Variants in IL3RA observed in about 807,000 individuals in gnomAD.
IL3RA encodes interleukin-3 receptor subunit alpha.
IL3RA carries 73 observed loss-of-function variants against 52.3 expected under a neutral mutation model. The ratio of observed to expected loss-of-function variants is 1.40; its 90% CI spans 1.16 to 1.70. IL3RA has a LOEUF of 1.70. Among genes scored for constraint, IL3RA ranks in the 40% most tolerant of loss-of-function variants. IL3RA has a pLI of 0.00. For synonymous variants in IL3RA, 260 were observed against 194.0 expected (o/e 1.34, Z -2.83); for missense variants, 664 against 504.4 (o/e 1.32, Z -3.03).
chrX:1,352,348 A>C lies in IL3RA; in HGVS notation c.458A>C (p.His153Pro). 6.2e-7 allele frequency: 1 copy of C among 1,613,842 alleles called. No individual in the cohort carries two copies. The highest frequency in any genetic ancestry group is 8.5e-7 in the Non-Finnish European group (1 of 1,179,846). The stretch of plus-strand genomic sequence containing the variant: ...AGGCGTCAACAGTACGAGTGTCTTC[A>C]CTACAAAACGGATGCTCAGGGAACA... ...ANRRQQYECL[H>P]YKTDAQGTRI... The change falls in exon 6 of 12, where the codon CAC (histidine) becomes CCC (proline). Residue 153 changes from histidine to proline, a missense_variant. Physicochemically the swap from His to Pro is moderately conservative, Grantham distance 77. Coordinates refer to ENST00000331035, the MANE Select transcript of IL3RA (RefSeq NM_002183.4).
At chrX:1,363,340 A>G (rs28833294) in intron 8 of IL3RA, among the ~76,000 whole-genome samples, 1,413 of 139,290 alleles carry the variant, frequency 0.01, 28 homozygotes, top group African/African-American at 0.035. Flanking sequence ...TCGCTCTGTC[A>G]CCCAGGCTGG....
intron 6 of IL3RA, among the ~76,000 whole-genome samples, chrX:1,353,992 A>G (rs1413971820): frequency 8.8e-6 from 1 of 114,172 alleles, no homozygotes; most frequent in East Asian, 2.5e-4. Context: ...ATCATGGGTC[A>G]TGGGAGCCCC....
At position 1,348,466 on chromosome X, in the gene IL3RA, T is replaced by C. The variant is rs1285870754; in HGVS notation, c.219T>C (p.Ile73=). 1 of 1,613,874 alleles carries C rather than the reference T, an allele frequency of 6.2e-7. No individual in the cohort carries two copies. Among genetic ancestry groups the C allele is most frequent in the Admixed American group, 1.7e-5 (1 of 59,984 alleles). ...ATAGCTATTGCCAGTTTGGAGCAAT[T>C]TCCTTATGTGAAGTGACCAACTACA... ...VNNSYCQFGA[I]SLCEVTNYTV... is the part of the protein sequence containing the mutation. Residue 73 remains isoleucine, a synonymous_variant, in exon 4 of 12, where the codon ATT becomes ATC. Coordinates refer to ENST00000331035, the MANE Select transcript of IL3RA (RefSeq NM_002183.4).
chrX:1,345,272 G>T (rs762454273), intron 2 of IL3RA, 44 bp from the exon 3 acceptor site: 5 of 1,342,444 alleles, frequency 3.7e-6, no homozygotes, highest in Admixed American at 1.9e-5. Flanking sequence ...GCCGTTTTAA[G>T]ATTCTTACGT....
intron 9 of IL3RA, among the ~76,000 whole-genome samples, chrX:1,365,517 CGCGGGGTGA>C (rs1235024049): frequency 4.2e-4 from 7 of 16,700 alleles, no homozygotes; most frequent in South Asian, 3.4e-3. Flanking sequence ...GAGCGGGGTG[CGCGGGGTGA>C]GCGGGGTGAG....
Position 1,352,363 on chromosome X carries a change from C to A in IL3RA, c.473C>A (p.Ala158Asp), listed in dbSNP as rs746731701. The change falls in exon 6 of 12, where the codon GCT becomes GAT. Residue 158 changes from alanine (A) to aspartate (D), a missense_variant. Ala to Asp is a moderately radical substitution (Grantham distance 126). Transcript: ENST00000331035. ...GAGTGTCTTCACTACAAAACGGATG[C>A]TCAGGGAACACGTATCGGGTGTCGT... The part of the protein sequence containing the change: ...QYECLHYKTD[A>D]QGTRIGCRFD... The A allele has an allele frequency of 3.1e-6, 5 of 1,613,750 alleles. No individual in the cohort carries two copies. The African/African-American group carries it at 5.3e-5, about 17-fold the overall frequency.
At chrX:1,361,642 A>T (rs1434458429) in intron 8 of IL3RA, among the ~76,000 whole-genome samples, 1 of 151,218 alleles carries the variant, frequency 6.6e-6, no homozygotes, top group Non-Finnish European at 1.5e-5. Context: ...GGTCCCAGCT[A>T]CTCGGGAGGC....
chrX:1,349,947 G>A (rs1412027781), intron 4 of IL3RA, among the ~76,000 whole-genome samples: 9 of 151,772 alleles, frequency 5.9e-5, no homozygotes, highest in Admixed American at 2.6e-4. Flanking sequence ...CCACTGTGCC[G>A]GGCCTCAATT....
rs374717821 is a variant in IL3RA, at chrX:1,382,435, G to C, written c.1107G>C (p.Val369=). ...AAGCCGGCCTGGAGGAGTGTCTGGT[G>C]ACTGAAGTACAGGTCGTGCAGAAAA... The part of the protein sequence containing the change: ...AGKAGLEECL[V]TEVQVVQKT The change falls in exon 12 of 12, where the codon GTG becomes GTC. Residue 369 remains valine, a synonymous_variant. Transcript: ENST00000331035. The C allele has an allele frequency of 7.4e-6, 12 of 1,613,800 alleles. No individual in the cohort carries two copies. The highest frequency in any genetic ancestry group is 1.0e-5 in the Non-Finnish European group (12 of 1,179,846).
At chrX:1,344,799 A>C (rs1234335894) in intron 2 of IL3RA, among the ~76,000 whole-genome samples, 1 of 151,552 alleles carries the variant, frequency 6.6e-6, no homozygotes, top group Middle Eastern at 3.2e-3. Flanking sequence ...TTAAAAAAAT[A>C]AAGAACTCGA....
At chrX:1,370,572 G>A (rs1436734808) in intron 9 of IL3RA, among the ~76,000 whole-genome samples, 2 of 13,434 alleles carry the variant, frequency 1.5e-4, no homozygotes, top group Non-Finnish European at 2.6e-4. Flanking sequence ...GACCCTGTGG[G>A]ACACAGGGAG....
chrX:1,361,869 C>G (rs1202244022), intron 8 of IL3RA, among the ~76,000 whole-genome samples: 1 of 151,878 alleles, frequency 6.6e-6, no homozygotes, highest in African/African-American at 2.4e-5. Flanking sequence ...GAAACTGCCC[C>G]CATGATTCAG....
chrX:1,380,336 T>G (rs531074483), intron 10 of IL3RA, among the ~76,000 whole-genome samples: 1 of 141,368 alleles, frequency 7.1e-6, no homozygotes, highest in Admixed American at 7.4e-5. Context: ...CCAGGCCCTG[T>G]TTCCTTCCTG....
At chrX:1,378,425 G>C (rs1391667494) in intron 9 of IL3RA, among the ~76,000 whole-genome samples, 2 of 152,168 alleles carry the variant, frequency 1.3e-5, no homozygotes, top group Non-Finnish European at 2.9e-5. Flanking sequence ...TAGGGTTCCA[G>C]ACTGGGGCTG....
chrX:1,353,707 C>G (rs1324922365), intron 6 of IL3RA, among the ~76,000 whole-genome samples: 2 of 131,738 alleles, frequency 1.5e-5, no homozygotes, highest in Non-Finnish European at 3.2e-5. Context: ...GGGACCCCCC[C>G]CAATCATGGG....
At chrX:1,342,464 C>A (rs370743299) in intron 2 of IL3RA, among the ~76,000 whole-genome samples, 2 of 151,778 alleles carry the variant, frequency 1.3e-5, no homozygotes, top group Admixed American at 1.3e-4. Context: ...CAGCGCCCGG[C>A]CTTTTTTTTC....
chrX:1,358,985 A>T, intron 8 of IL3RA, 98 bp downstream of exon 8: 1 of 833,496 alleles, frequency 1.2e-6, no homozygotes, highest in Non-Finnish European at 1.7e-6. Flanking sequence ...AATAATTCTT[A>T]TTAATAAAAT....
chrX:1,349,987 G>A (rs2086011190), intron 4 of IL3RA, among the ~76,000 whole-genome samples: 1 of 152,028 alleles, frequency 6.6e-6, no homozygotes, highest in Non-Finnish European at 1.5e-5. Context: ...TGGATTTCCA[G>A]GGAGTTATGC....
chrX:1,363,118 GC>G lies in IL3RA; in HGVS notation c.760-2013del, dbSNP rs369433050. On this transcript the variant is annotated intron_variant, in intron 8 of 11. Coordinates refer to ENST00000331035, the MANE Select transcript of IL3RA (RefSeq NM_002183.4). ...AAGGATATTGGTCATTGCATTTAGG[GC>G]CCCCCCTGATCCAAAATGACATCAT... Among the ~76,000 whole-genome samples, 16 of 150,718 alleles carry G rather than the reference GC, an allele frequency of 1.1e-4. 1 individual carries two copies. Among genetic ancestry groups the G allele is most frequent in the African/African-American group, 3.9e-4 (16 of 41,066 alleles).
Sources: gnomAD v4.1 joint callset for allele counts (sites outside exome capture counted in the v4.1 genomes callset) on GRCh38, gnomAD v4.1.1 for gene constraint, MANE v1.5 for transcripts, NCBI Gene and HGNC (gene_info 2026-07-23, HGNC 2026-07-21) for gene names.